The following CEP192 variants were observed in gnomAD, a reference collection of about 807,000 sequenced individuals.
CEP192 encodes centrosomal protein 192.
CEP192 carries 151 observed loss-of-function variants against 271.8 expected under a neutral mutation model. That is an observed-to-expected ratio of 0.56 (90% CI 0.49 to 0.64). CEP192 has a LOEUF of 0.64. Ranked by LOEUF, CEP192 falls within the 30% of genes least tolerant of loss-of-function variation. The pLI is 0.00. For missense variants in CEP192, 2,910 were observed against 3,020.5 expected, an observed-to-expected ratio of 0.96 and a Z score of 0.86; for synonymous variants, 995 against 1,076.5, an observed-to-expected ratio of 0.92 and a Z score of 1.48.
At chr18:13,035,405 A>G (rs1283506154) in intron 11 of CEP192, among the ~76,000 whole-genome samples, 4 of 152,320 alleles carry the variant, frequency 2.6e-5, no homozygotes, top group Admixed American at 1.3e-4. Context: ...CACCTCTTAC[A>G]TGGCGGCAGC....
In CEP192 at chr18:13,116,495, A is replaced by T; in HGVS notation, c.7408A>T (p.Thr2470Ser). ...CAATCTGCGAAATAATTCTTTTATTACACACTCAGTAAGTTGGAAATATTA... is the reference window on the plus strand; with the variant it reads ...CAATCTGCGAAATAATTCTTTTATTTCACACTCAGTAAGTTGGAAATATTA... Reference protein sequence around the residue: ...KVNLRNNSFITHSLKFLSPRE... With the variant: ...KVNLRNNSFISHSLKFLSPRE... Residue 2470 changes from threonine (T) to serine (S), a missense_variant, in exon 43 of 45, where the codon ACA becomes TCA. Physicochemically the swap from Thr to Ser is moderately conservative, Grantham distance 58. Coordinates refer to ENST00000506447, the MANE Select transcript of CEP192 (RefSeq NM_032142.4). 10 of 1,603,440 alleles carry T rather than the reference A, an allele frequency of 6.2e-6. No individual in the cohort carries two copies. Among genetic ancestry groups the T allele is most frequent in the Non-Finnish European group, 8.5e-6 (10 of 1,176,566 alleles).
chr18:13,110,079 T>A (rs2145025208), intron 40 of CEP192, among the ~76,000 whole-genome samples: 1 of 152,224 alleles, frequency 6.6e-6, no homozygotes, highest in East Asian at 1.9e-4. Flanking sequence ...TGCAAAAAAA[T>A]TGCACCAAAA....
At chr18:13,065,996 A>G (rs1488536100) in intron 21 of CEP192, among the ~76,000 whole-genome samples, 1 of 152,214 alleles carries the variant, frequency 6.6e-6, no homozygotes, top group Non-Finnish European at 1.5e-5. Flanking sequence ...AGGCAAATCA[A>G]GCCTGCAAGA....
intron 33 of CEP192, among the ~76,000 whole-genome samples, chr18:13,091,303 A>G (rs1227634361): frequency 6.6e-6 from 1 of 152,208 alleles, no homozygotes; most frequent in Non-Finnish European, 1.5e-5. Context: ...GTAGCCTGTC[A>G]AGATTGCCCA....
intron 28 of CEP192, among the ~76,000 whole-genome samples, chr18:13,072,390 G>A (rs901583041): frequency 6.6e-6 from 1 of 152,206 alleles, no homozygotes; most frequent in Admixed American, 6.5e-5. Flanking sequence ...GCTTGGTTGA[G>A]CCAGGTATTC....
At chr18:13,077,025 C>T (rs991726542) in intron 30 of CEP192, among the ~76,000 whole-genome samples, 25 of 152,152 alleles carry the variant, frequency 1.6e-4, no homozygotes, top group African/African-American at 2.4e-5. Flanking sequence ...TCAAGTAATC[C>T]GCCTGCCTTG....
intron 4 of CEP192, among the ~76,000 whole-genome samples, chr18:13,008,851 C>T (rs1188932326): frequency 2.0e-5 from 3 of 151,902 alleles, no homozygotes; most frequent in African/African-American, 7.3e-5. Flanking sequence ...GGTCTACAGG[C>T]ACACACCACC....
intron 39 of CEP192, 143 bp downstream of exon 39, chr18:13,103,731 C>T (rs1279872354): frequency 1.4e-6 from 1 of 730,536 alleles, no homozygotes; most frequent in East Asian, 2.7e-5. Flanking sequence ...TGCTCTGTCG[C>T]CCAGGCTGGA....
intron 2 of CEP192, 79 bp from the exon 3 acceptor site, chr18:13,001,378 C>A: frequency 1.0e-6 from 1 of 986,764 alleles, no homozygotes; most frequent in South Asian, 1.7e-5. Context: ...GTTTTACTGT[C>A]ACGCAGCCCT....
chr18:13,093,985 T>C (rs2039271798), intron 34 of CEP192, among the ~76,000 whole-genome samples: 1 of 152,234 alleles, frequency 6.6e-6, no homozygotes, highest in African/African-American at 2.4e-5. Context: ...GCTAACTCTT[T>C]CTTACCAATG....
At chr18:12,996,287 T>C (rs1207311858) in intron 1 of CEP192, among the ~76,000 whole-genome samples, 2 of 151,932 alleles carry the variant, frequency 1.3e-5, no homozygotes, top group Non-Finnish European at 2.9e-5. Flanking sequence ...TGCATAGGGA[T>C]TGCACGTGAT....
intron 11 of CEP192, among the ~76,000 whole-genome samples, chr18:13,033,239 T>C (rs2035734258): frequency 6.6e-6 from 1 of 152,012 alleles, no homozygotes; most frequent in Non-Finnish European, 1.5e-5. Flanking sequence ...ACAGTTCCAA[T>C]AAACAATAAG....
chr18:13,056,789 C>G (rs2037130047), intron 19 of CEP192, 91 bp downstream of exon 19: 1 of 1,059,380 alleles, frequency 9.4e-7, no homozygotes, highest in Non-Finnish European at 1.4e-6. Flanking sequence ...TACTGGTTAG[C>G]ATTAATTCCT....
intron 30 of CEP192, among the ~76,000 whole-genome samples, chr18:13,074,166 G>A (rs1375747859): frequency 6.6e-6 from 1 of 152,162 alleles, no homozygotes; most frequent in Non-Finnish European, 1.5e-5. Context: ...TTAAAGAGGG[G>A]ATGTGATAAA....
At chr18:12,995,380 A>T (rs145451535) in intron 1 of CEP192, among the ~76,000 whole-genome samples, 21 of 152,240 alleles carry the variant, frequency 1.4e-4, no homozygotes, top group Non-Finnish European at 2.2e-4. Context: ...GAGGATTTTG[A>T]ACATGTTTAT....
At chr18:13,013,147 A>G in intron 5 of CEP192, 122 bp downstream of exon 5, 1 of 551,098 alleles carries the variant, frequency 1.8e-6, no homozygotes. Flanking sequence ...GTAGAGCTCT[A>G]ACTTATCCAG....
chr18:13,068,165 C>T lies in CEP192; in HGVS notation c.4686C>T (p.Cys1562=), dbSNP rs372817209. ...GAGCTCCTGTGGAAGTTGCTCCTTG[C>T]GCTGATGTGGTCACTCGGCTAGCAG... ...SVRAPVEVAP[C]ADVVTRLAGP... is the part of the protein sequence containing the mutation. Residue 1562 remains cysteine (C), a synonymous_variant, in exon 23 of 45, where the codon TGC becomes TGT. Transcript: ENST00000506447. The T allele has an allele frequency of 2.0e-5, 33 of 1,614,196 alleles. No homozygotes were observed. Among genetic ancestry groups the T allele is most frequent in the South Asian group, 7.7e-5 (7 of 91,084 alleles).
intron 13 of CEP192, among the ~76,000 whole-genome samples, chr18:13,039,332 G>A (rs1387960433): frequency 6.6e-6 from 1 of 152,026 alleles, no homozygotes; most frequent in African/African-American, 2.4e-5. Flanking sequence ...GTGCGTGGCT[G>A]TAATCCCAGC....
At chr18:13,087,745 T>A in intron 32 of CEP192, 99 bp downstream of exon 32, 2 of 496,214 alleles carry the variant, frequency 4.0e-6, no homozygotes, top group Non-Finnish European at 6.9e-6. Flanking sequence ...TTTCACTATT[T>A]ATTAGTGAAC....
Sources: allele counts gnomAD v4.1 joint callset (sites outside exome capture counted in the v4.1 genomes callset), GRCh38; gene constraint gnomAD v4.1.1; transcripts MANE v1.5; gene names NCBI Gene and HGNC (gene_info 2026-07-23, HGNC 2026-07-21).